The following MGMT variants were observed in gnomAD, a reference collection of about 807,000 sequenced individuals.
MGMT encodes the protein methylated-DNA--protein-cysteine methyltransferase.
MGMT carries 14 observed loss-of-function variants against 15.9 expected under a neutral mutation model. That is an observed-to-expected ratio of 0.88 (90% CI 0.58 to 1.37). The LOEUF (loss-of-function observed/expected upper bound fraction) is 1.37, where lower values mean the gene tolerates loss of function less well. Among genes scored for constraint, MGMT ranks in the 40% most tolerant of loss-of-function variants. The pLI, the probability that MGMT is intolerant of heterozygous loss-of-function variation, is 0.00. For missense variants in MGMT, 282 were observed against 268.1 expected, an observed-to-expected ratio of 1.05 and a Z score of -0.36; for synonymous variants, 130 against 118.2, an observed-to-expected ratio of 1.10 and a Z score of -0.65.
intron 3 of MGMT, among the ~76,000 whole-genome samples, chr10:129,745,686 A>C (rs760787922): frequency 8.6e-5 from 13 of 151,752 alleles, no homozygotes; most frequent in Non-Finnish European, 1.8e-4. Flanking sequence ...CATTGTTTTC[A>C]TTTGCGTTTC....
intron 2 of MGMT, among the ~76,000 whole-genome samples, chr10:129,560,747 T>C (rs1317927245): frequency 6.6e-6 from 1 of 152,238 alleles, no homozygotes; most frequent in East Asian, 1.9e-4. Context: ...TCTTTTATTG[T>C]GGCCTGTAGA....
chr10:129,692,511 T>C (rs1225235576), intron 2 of MGMT, among the ~76,000 whole-genome samples: 1 of 152,160 alleles, frequency 6.6e-6, no homozygotes, highest in Non-Finnish European at 1.5e-5. Flanking sequence ...AAACAGATGG[T>C]GGGCCAGTTT....
chr10:129,680,585 G>C (rs1484358922), intron 2 of MGMT, among the ~76,000 whole-genome samples: 1 of 131,976 alleles, frequency 7.6e-6, no homozygotes, highest in Non-Finnish European at 1.8e-5. Flanking sequence ...ACATCCAGGC[G>C]TGGAAGGGAA....
At chr10:129,600,216 C>T (rs1157449768) in intron 2 of MGMT, among the ~76,000 whole-genome samples, 1 of 152,152 alleles carries the variant, frequency 6.6e-6, no homozygotes, top group East Asian at 1.9e-4. Flanking sequence ...TCCATGGCTG[C>T]CATCTCGCAC....
At chr10:129,742,208 T>G (rs1388586607) in intron 3 of MGMT, among the ~76,000 whole-genome samples, 2 of 152,200 alleles carry the variant, frequency 1.3e-5, no homozygotes, top group Non-Finnish European at 2.9e-5. Context: ...GCCTACTGGG[T>G]GGGGCAGGTC....
At chr10:129,641,540 G>T (rs1264836417) in intron 2 of MGMT, among the ~76,000 whole-genome samples, 18 of 152,158 alleles carry the variant, frequency 1.2e-4, no homozygotes. Flanking sequence ...ATTCCTTCAA[G>T]AATGGTCATT....
chr10:129,482,041 G>A (rs901391554), intron 1 of MGMT, among the ~76,000 whole-genome samples: 1 of 152,054 alleles, frequency 6.6e-6, no homozygotes, highest in African/African-American at 2.4e-5. Context: ...AACATTTAAT[G>A]CTAAAAATTC....
intron 2 of MGMT, among the ~76,000 whole-genome samples, chr10:129,552,985 A>G (rs1376021003): frequency 2.0e-5 from 3 of 152,228 alleles, no homozygotes; most frequent in African/African-American, 7.2e-5. Flanking sequence ...TTCAAGCAGT[A>G]AAAACATTTT....
intron 4 of MGMT, among the ~76,000 whole-genome samples, chr10:129,766,549 C>T: frequency 6.6e-6 from 1 of 152,236 alleles, no homozygotes; most frequent in East Asian, 1.9e-4. Context: ...CCCCACGTCA[C>T]CTCAGGACAC....
chr10:129,716,429 T>C (rs1383697058), intron 3 of MGMT, among the ~76,000 whole-genome samples: 4 of 152,242 alleles, frequency 2.6e-5, no homozygotes, highest in African/African-American at 9.6e-5. Flanking sequence ...GTGCCCACAC[T>C]GTCTGCTTTC....
intron 2 of MGMT, among the ~76,000 whole-genome samples, chr10:129,560,011 C>T (rs1846258708): frequency 6.6e-6 from 1 of 152,168 alleles, no homozygotes; most frequent in Admixed American, 6.5e-5. Flanking sequence ...TCATTTAACT[C>T]CACTAATAAG....
At chr10:129,717,581 A>T (rs1260090361) in intron 3 of MGMT, 1 of 152,232 alleles carries the variant, frequency 6.6e-6, no homozygotes, top group African/African-American at 2.4e-5. Flanking sequence ...CACAGCCATT[A>T]GCAGAATTTT....
intron 2 of MGMT, among the ~76,000 whole-genome samples, chr10:129,577,267 G>A (rs866292736): frequency 7.8e-4 from 114 of 145,356 alleles, no homozygotes; most frequent in South Asian, 4.0e-3. Context: ...GAGGCATCAC[G>A]CTACCTGACT....
chr10:129,474,920 GACGTGCTTGTC>G (rs1244232336), intron 1 of MGMT, among the ~76,000 whole-genome samples: 1 of 152,130 alleles, frequency 6.6e-6, no homozygotes, highest in Non-Finnish European at 1.5e-5. Context: ...GTGGTAGGGA[GACGTGCTTGTC>G]ACACCCATAC....
intron 3 of MGMT, among the ~76,000 whole-genome samples, chr10:129,757,843 A>G (rs1335418160): frequency 6.6e-6 from 1 of 152,210 alleles, no homozygotes; most frequent in Non-Finnish European, 1.5e-5. Flanking sequence ...TGATTCATGA[A>G]TTTTGAAGAG....
chr10:129,745,991 C>T (rs192517810), intron 3 of MGMT, among the ~76,000 whole-genome samples: 1 of 152,090 alleles, frequency 6.6e-6, no homozygotes, highest in Non-Finnish European at 1.5e-5. Flanking sequence ...AATCCCAGCA[C>T]TTTGGGAGGC....
chr10:129,733,028 G>A (rs1354036142), intron 3 of MGMT, among the ~76,000 whole-genome samples: 4 of 151,760 alleles, frequency 2.6e-5, no homozygotes, highest in East Asian at 3.9e-4. Flanking sequence ...ACGTGTGCAC[G>A]TGTCTTTATA....
intron 2 of MGMT, among the ~76,000 whole-genome samples, chr10:129,661,875 G>C (rs1476368847): frequency 6.6e-6 from 1 of 152,106 alleles, no homozygotes; most frequent in Non-Finnish European, 1.5e-5. Context: ...TCTGACATAA[G>C]GTTTTTCTAC....
chr10:129,656,327 C>T lies in MGMT; in HGVS notation c.126-51568C>T, dbSNP rs575444776. Among the ~76,000 whole-genome samples, 7 of 152,352 alleles carry T rather than the reference C, an allele frequency of 4.6e-5. No homozygotes were observed. The South Asian group carries it at 1.4e-3, about 32-fold the overall frequency. On this transcript the variant is annotated intron_variant, in intron 2 of 4. Coordinates refer to ENST00000651593, the MANE Select transcript of MGMT (RefSeq NM_002412.5). Reference sequence around the variant, plus strand: ...TCTGCCCAGTGAACATGGGCTTCAGCCCCGAGCATGGGAGGGCTCCTGGTT... The same window carrying T: ...TCTGCCCAGTGAACATGGGCTTCAGTCCCGAGCATGGGAGGGCTCCTGGTT...
Sources: gnomAD v4.1 joint callset for allele counts (sites outside exome capture counted in the v4.1 genomes callset) on GRCh38, gnomAD v4.1.1 for gene constraint, MANE v1.5 for transcripts, NCBI Gene and HGNC (gene_info 2026-07-23, HGNC 2026-07-21) for gene names.